RAPGEF1: variants seen among roughly 807,000 people sequenced by gnomAD.
The protein encoded by RAPGEF1 is CRK SH3-binding GNRP.
In RAPGEF1, 33 loss-of-function variants were observed where a neutral mutation model predicts 143.3. That is an observed-to-expected ratio of 0.23 (90% CI 0.17 to 0.31). The LOEUF (loss-of-function observed/expected upper bound fraction) is 0.31. RAPGEF1 is among the 10% of genes least tolerant of loss of function. The probability of loss-of-function intolerance (pLI) is 1.00; values close to 1 mark genes in which losing one functional copy is unlikely to be tolerated. For missense variants in RAPGEF1, 1,199 were observed against 1,645.4 expected (o/e 0.73, Z 4.69); for synonymous variants, 629 against 676.5 (o/e 0.93, Z 1.09).
At position 131,584,737 on chromosome 9, in the gene RAPGEF1, AG is replaced by A. The variant is rs1952437247; in HGVS notation, c.3234-142del. On this transcript the variant is annotated intron_variant, in intron 22 of 26. Coordinates refer to ENST00000683357, the MANE Select transcript of RAPGEF1 (RefSeq NM_001377935.1). The surrounding 1 kb of genome is among the most constrained non-coding windows in gnomAD (Gnocchi z 6.8). ...CTACTGAATACCTGCAGCCTGCCCC[AG>A]GCATAGATCTAGTTTCTGCTCTCCA... The A allele has an allele frequency of 1.4e-6, 1 of 718,812 alleles. No individual in the cohort carries two copies. The highest frequency in any genetic ancestry group is 2.6e-5 in the East Asian group (1 of 37,956). 44.5% of individuals were successfully genotyped at this position (718,812 alleles called of 1,614,324 possible).
chr9:131,682,869 G>T (rs551203113), intron 1 of RAPGEF1, among the ~76,000 whole-genome samples: 1 of 152,318 alleles, frequency 6.6e-6, no homozygotes, highest in East Asian at 1.9e-4. Context: ...GGCCGTCCGT[G>T]AGGCCAATTC....
intron 1 of RAPGEF1, among the ~76,000 whole-genome samples, chr9:131,669,940 G>C (rs951616131): frequency 1.3e-5 from 2 of 152,198 alleles, no homozygotes; most frequent in African/African-American, 4.8e-5. Context: ...ACGTGGAGCT[G>C]GCAGCGATGA....
At chr9:131,699,609 G>C (rs929718494) in intron 1 of RAPGEF1, among the ~76,000 whole-genome samples, 3 of 152,146 alleles carry the variant, frequency 2.0e-5, no homozygotes, top group Admixed American at 6.5e-5. Flanking sequence ...GCCAAGTCTT[G>C]GTCCTCAAGG....
rs180995975 is a variant in RAPGEF1, at chr9:131,628,397, G to C, written c.1017+152C>G. Among the ~76,000 whole-genome samples the C allele has an allele frequency of 6.6e-6, 1 of 152,194 alleles. No homozygotes were observed. The highest frequency in any genetic ancestry group is 1.5e-5 in the Non-Finnish European group (1 of 68,032). On this transcript the variant is annotated intron_variant, in intron 8 of 26. Transcript: ENST00000683357. The surrounding 1 kb of genome is among the most constrained non-coding windows in gnomAD (Gnocchi z 5.7). ...ATATGGGAACTTGGACCGTGTCCTG[G>C]AGAGAGAGGGATGGGTACAAGGTCT...
chr9:131,596,624 CG>C (rs1955342501), intron 16 of RAPGEF1, among the ~76,000 whole-genome samples: 1 of 152,130 alleles, frequency 6.6e-6, no homozygotes, highest in Non-Finnish European at 1.5e-5. Context: ...GGAGCTGCCC[CG>C]GCACCAAGGC....
intron 5 of RAPGEF1, among the ~76,000 whole-genome samples, chr9:131,634,146 C>T (rs113929385): frequency 1.3e-5 from 2 of 152,040 alleles, no homozygotes; most frequent in Non-Finnish European, 2.9e-5. Flanking sequence ...CCAGCTACTC[C>T]GGAGGCTGAG....
intron 15 of RAPGEF1, 148 bp downstream of exon 15, chr9:131,601,913 A>G (rs1956330226): frequency 3.2e-6 from 2 of 633,892 alleles, no homozygotes; most frequent in Admixed American, 6.0e-5. Context: ...TCTCTAAAAA[A>G]CAAAAAAAGG....
At chr9:131,648,192 C>A (rs1970167871) in intron 3 of RAPGEF1, among the ~76,000 whole-genome samples, 1 of 152,142 alleles carries the variant, frequency 6.6e-6, no homozygotes, top group African/African-American at 2.4e-5. Context: ...GAGTTTGAGA[C>A]CAGCCTGGCC....
At chr9:131,722,596 C>T (rs946784641) in intron 1 of RAPGEF1, among the ~76,000 whole-genome samples, 1 of 152,204 alleles carries the variant, frequency 6.6e-6, no homozygotes, top group African/African-American at 2.4e-5. Context: ...TCCATCGGCC[C>T]CTGATGGGAA....
intron 5 of RAPGEF1, among the ~76,000 whole-genome samples, chr9:131,634,365 A>G (rs887374677): frequency 6.6e-6 from 1 of 152,200 alleles, no homozygotes; most frequent in African/African-American, 2.4e-5. Context: ...TATTTGGAAA[A>G]GTAGCTCTCC....
At chr9:131,646,367 A>T (rs895422044) in intron 3 of RAPGEF1, among the ~76,000 whole-genome samples, 3 of 152,254 alleles carry the variant, frequency 2.0e-5, no homozygotes, top group African/African-American at 7.2e-5. Context: ...GAAGTTAAAA[A>T]GTTTACTTGA....
chr9:131,582,806 C>T, intron 24 of RAPGEF1, 104 bp from the exon 25 acceptor site: 2 of 934,226 alleles, frequency 2.1e-6, no homozygotes, highest in East Asian at 3.0e-5. Flanking sequence ...GTCAACCACC[C>T]TCTGCCCAAC....
chr9:131,679,370 TA>T (rs1832722272), intron 1 of RAPGEF1, among the ~76,000 whole-genome samples: 2 of 152,052 alleles, frequency 1.3e-5, no homozygotes, highest in African/African-American at 4.8e-5. Flanking sequence ...CTGTCAGTGC[TA>T]CAAAAAGGAC....
Position 131,596,339 on chromosome 9 carries a change from C to T in RAPGEF1, c.2648G>A (p.Gly883Glu). 6.2e-7 allele frequency: 1 copy of T among 1,613,942 alleles called. No homozygotes were observed. The highest frequency in any genetic ancestry group is 1.3e-5 in the African/African-American group (1 of 75,028). ...AGTAGCATGGACCAGTAAGATGTCC[C>T]CAGATCCTCCGCGGACGTCCGGCCC... ...DDGPDVRGGSGDILLVHATET... is the reference protein window; with the variant it reads ...DDGPDVRGGSEDILLVHATET... The change falls in exon 17 of 27, where the codon GGG becomes GAG. Residue 883 changes from glycine (G) to glutamate (E), a missense_variant. Around this residue, in one of 6 missense-constraint regions of RAPGEF1, gnomAD observed 209 missense variants for 403.0 expected, o/e 0.52. Coordinates refer to ENST00000683357, the MANE Select transcript of RAPGEF1 (RefSeq NM_001377935.1).
rs942870636 is a variant in RAPGEF1, at chr9:131,615,136, G to A, written c.2061+3915C>T. ...TGCCCAGGCTGGAGCGCAGTGGCGC[G>A]ATCTCCACTCACCGCAAGCTCCGCC... On this transcript the variant is annotated intron_variant, in intron 12 of 26. Transcript: ENST00000683357. 5.3e-5 allele frequency among the ~76,000 whole-genome samples: 8 copies of A among 152,176 alleles called. No homozygotes were observed. In the South Asian group the frequency reaches 6.2e-4, roughly 12 times the overall value.
intron 1 of RAPGEF1, among the ~76,000 whole-genome samples, chr9:131,652,742 G>C (rs547688785): frequency 6.6e-6 from 1 of 152,054 alleles, no homozygotes. Flanking sequence ...ATCTGCCTGA[G>C]GCTGTTTTAC....
intron 4 of RAPGEF1, among the ~76,000 whole-genome samples, chr9:131,643,003 G>A (rs1193158881): frequency 1.3e-5 from 2 of 152,162 alleles, no homozygotes; most frequent in Non-Finnish European, 2.9e-5. Context: ...CTTACACTGT[G>A]GCCACATCCC....
In RAPGEF1 at chr9:131,583,064, G is replaced by C. The variant is rs1952125157; in HGVS notation, c.3415-362C>G. ...CGGTGCAGCCAGAGGAGCTTCCCAG[G>C]CACACACTGAGTGGCGTCACTCCTG... On this transcript the variant is annotated intron_variant, in intron 24 of 26. Transcript: ENST00000683357. The surrounding 1 kb of genome is among the most constrained non-coding windows in gnomAD (Gnocchi z 4.7). Among the ~76,000 whole-genome samples the C allele has an allele frequency of 6.6e-6, 1 of 152,176 alleles. No homozygotes were observed. Among genetic ancestry groups the C allele is most frequent in the African/African-American group, 2.4e-5 (1 of 41,426 alleles).
At position 131,621,947 on chromosome 9, in the gene RAPGEF1, A is replaced by G. The variant is rs919781198; in HGVS notation, c.1754T>C (p.Met585Thr). 2 of 1,613,696 alleles carry G rather than the reference A, an allele frequency of 1.2e-6. No homozygotes were observed. Among genetic ancestry groups the G allele is most frequent in the African/African-American group, 1.3e-5 (1 of 74,906 alleles). ...LEDYSEPQPS[M>T]FYQTPQNEHI... ...CTCGTTCTGTGGCGTCTGGTAGAAC[A>G]TAGAGGGCTGCGGCTCCGAGTAGTC... Residue 585 changes from methionine (M) to threonine (T), a missense_variant, in exon 11 of 27, where the codon ATG becomes ACG. Met to Thr is a moderately conservative substitution (Grantham distance 81). Around this residue, in one of 6 missense-constraint regions of RAPGEF1, gnomAD observed 16 missense variants for 52.7 expected, o/e 0.30. Coordinates refer to ENST00000683357, the MANE Select transcript of RAPGEF1 (RefSeq NM_001377935.1). This position sits in a 1 kb window ranked among gnomAD's most constrained non-coding sequence, Gnocchi z 4.5.
Sources: allele counts gnomAD v4.1 joint callset (sites outside exome capture counted in the v4.1 genomes callset), GRCh38; gene constraint gnomAD v4.1.1; regional missense constraint gnomAD v4.1.1; non-coding constraint Gnocchi (gnomAD v3.1); transcripts MANE v1.5; gene names NCBI Gene and HGNC (gene_info 2026-07-23, HGNC 2026-07-21).